Variants in WASF3 observed in about 807,000 individuals in gnomAD.
WASF3 encodes WASP family member 3.
A neutral mutation model predicts 46.6 loss-of-function variants in WASF3; 11 were observed. That is an observed-to-expected ratio of 0.24 (90% CI 0.15 to 0.39). WASF3 has a LOEUF of 0.39. Ranked by LOEUF, WASF3 falls within the 10% of genes least tolerant of loss-of-function variation. The pLI is 1.00. For synonymous variants in WASF3, 242 were observed against 259.7 expected (o/e 0.93, Z 0.65); for missense variants, 576 against 669.8 (o/e 0.86, Z 1.55).
At chr13:26,620,302 G>A (rs1881267496) in intron 2 of WASF3, among the ~76,000 whole-genome samples, 1 of 152,010 alleles carries the variant, frequency 6.6e-6, no homozygotes, top group African/African-American at 2.4e-5. Flanking sequence ...TAAAACAGAT[G>A]TAGGTTCAAA....
At chr13:26,616,244 A>G (rs1395957058) in intron 2 of WASF3, among the ~76,000 whole-genome samples, 1 of 152,224 alleles carries the variant, frequency 6.6e-6, no homozygotes, top group African/African-American at 2.4e-5. Context: ...TGATAGTTCC[A>G]GTTCATCCAT....
At chr13:26,624,753 T>C (rs1315620413) in intron 2 of WASF3, among the ~76,000 whole-genome samples, 2 of 151,814 alleles carry the variant, frequency 1.3e-5, no homozygotes, top group African/African-American at 4.8e-5. Context: ...AAATGAAACA[T>C]TACAAACAGA....
At chr13:26,595,624 C>A (rs556860138) in intron 1 of WASF3, among the ~76,000 whole-genome samples, 15 of 152,278 alleles carry the variant, frequency 9.9e-5, no homozygotes, top group African/African-American at 3.6e-4. Context: ...GTCCCATCAC[C>A]ACAAAATCTC....
intron 7 of WASF3, among the ~76,000 whole-genome samples, chr13:26,677,621 A>T (rs1331016553): frequency 6.6e-6 from 1 of 152,198 alleles, no homozygotes; most frequent in Non-Finnish European, 1.5e-5. Flanking sequence ...CAGAAGGTCT[A>T]TAAGTCATTG....
At chr13:26,681,571 A>G (rs916258427) in intron 8 of WASF3, among the ~76,000 whole-genome samples, 3 of 152,184 alleles carry the variant, frequency 2.0e-5, no homozygotes, top group African/African-American at 7.2e-5. Context: ...TGGGTGTTTG[A>G]ATGGCTCTTT....
Position 26,682,849 on chromosome 13 carries a change from G to A in WASF3, c.1226G>A (p.Gly409Asp), listed in dbSNP as rs1441218720. The A allele has an allele frequency of 1.9e-6, 3 of 1,611,290 alleles. No individual in the cohort carries two copies. The highest frequency in any genetic ancestry group is 4.5e-5 in the East Asian group (2 of 44,846). Residue 409 changes from glycine to aspartate, a missense_variant, in exon 9 of 10, where the codon GGT (glycine) becomes GAT (aspartate). By Grantham distance (94) the Gly-to-Asp change is moderately conservative. Transcript: ENST00000335327. The surrounding 1 kb of genome is among the most constrained non-coding windows in gnomAD (Gnocchi z 4.4). ...GPPPPPPGPP[G>D]PGSSLSSSPM... ...CCACCTCCCCCGCCAGGCCCTCCTG[G>A]TCCCGGGTCTTCTCTTTCGTCCTCC...
chr13:26,547,109 T>C, the WASF3 span, among the ~76,000 whole-genome samples: 7 of 152,140 alleles, frequency 4.6e-5, no homozygotes, highest in Admixed American at 2.6e-4. Context: ...TTTTTTTTTT[T>C]CCCCTGAGTT....
At chr13:26,619,498 A>T (rs749627484) in intron 2 of WASF3, 2 of 152,238 alleles carry the variant, frequency 1.3e-5, no homozygotes, top group Non-Finnish European at 2.9e-5. Context: ...ATGCGGATGG[A>T]TCACATCCTT....
chr13:26,663,093 G>C (rs931774625), intron 3 of WASF3, among the ~76,000 whole-genome samples: 3 of 152,198 alleles, frequency 2.0e-5, no homozygotes, highest in Non-Finnish European at 4.4e-5. Context: ...GGTGGGTGTA[G>C]AAGGGACAAG....
At position 26,643,454 on chromosome 13, in the gene WASF3, A is replaced by G. The variant is rs58312570; in HGVS notation, c.133+1051A>G. 6.8e-3 allele frequency among the ~76,000 whole-genome samples: 1,030 copies of G among 152,336 alleles called. 15 individuals are homozygous for G. The highest frequency in any genetic ancestry group is 0.023 in the African/African-American group (943 of 41,572). On this transcript the variant is annotated intron_variant, in intron 3 of 9. Transcript: ENST00000335327. Reference sequence around the variant, plus strand: ...TACGGATATATTTTTAATAATATCTATAATCATTAGCTAAGGCAAAAGTAT... The same window carrying G: ...TACGGATATATTTTTAATAATATCTGTAATCATTAGCTAAGGCAAAAGTAT...
At chr13:26,558,864 G>A (rs900105269) in intron 1 of WASF3, among the ~76,000 whole-genome samples, 5 of 152,118 alleles carry the variant, frequency 3.3e-5, no homozygotes, top group African/African-American at 2.4e-5. Flanking sequence ...TTTTTATAAG[G>A]GGGAGAGGAT....
At chr13:26,557,397 A>C (rs1593362672), upstream of WASF3, among the ~76,000 whole-genome samples, 1 of 152,198 alleles carries the variant, frequency 6.6e-6, no homozygotes, top group Admixed American at 6.5e-5. Flanking sequence ...AGGTGATACA[A>C]GGGTCTCTTG....
chr13:26,554,196 A>G (rs1879047031), upstream of WASF3, among the ~76,000 whole-genome samples: 1 of 150,748 alleles, frequency 6.6e-6, no homozygotes, highest in African/African-American at 2.4e-5. Flanking sequence ...GTGTGAGCAC[A>G]GCTCACTGCA....
At chr13:26,557,673 G>T, upstream of WASF3, 1 of 161,362 alleles carries the variant, frequency 6.2e-6, no homozygotes, top group South Asian at 2.0e-4. Context: ...GAGGGGGCGT[G>T]GCCGCGGCCG....
intron 8 of WASF3, among the ~76,000 whole-genome samples, chr13:26,681,601 G>A (rs951847958): frequency 2.5e-4 from 38 of 152,106 alleles, no homozygotes; most frequent in Non-Finnish European, 7.3e-5. Context: ...CATTGATAAA[G>A]GGTATTAAGT....
At chr13:26,664,552 A>T (rs1361421704) in intron 3 of WASF3, among the ~76,000 whole-genome samples, 1 of 152,260 alleles carries the variant, frequency 6.6e-6, no homozygotes, top group African/African-American at 2.4e-5. Flanking sequence ...ATTTCACAAT[A>T]TTAATTAGAA....
chr13:26,682,970 A>G lies in WASF3; in HGVS notation c.1347A>G (p.Arg449=), dbSNP rs750482404. 1.2e-6 allele frequency: 2 copies of G among 1,602,106 alleles called. No homozygotes were observed. The highest frequency in any genetic ancestry group is 2.2e-5 in the East Asian group (1 of 44,882). ...DARSDLLAAI[R]MGIQLKKVQE... ...GAAGCGACCTCCTCGCTGCTATTCGAATGGGTAAGTGGAGCCCCCAGACAC... is the reference window on the plus strand; with the variant it reads ...GAAGCGACCTCCTCGCTGCTATTCGGATGGGTAAGTGGAGCCCCCAGACAC... Residue 449 remains arginine, a synonymous_variant, in exon 9 of 10, where the codon CGA becomes CGG. Coordinates refer to ENST00000335327, the MANE Select transcript of WASF3 (RefSeq NM_006646.6). The surrounding 1 kb of genome is among the most constrained non-coding windows in gnomAD (Gnocchi z 4.4).
the WASF3 span, among the ~76,000 whole-genome samples, chr13:26,548,839 C>T: frequency 6.6e-6 from 1 of 152,096 alleles, no homozygotes; most frequent in Non-Finnish European, 1.5e-5. Flanking sequence ...TGACAACTAC[C>T]CTTTGAGGTT....
At chr13:26,590,533 A>G (rs539301214) in intron 1 of WASF3, among the ~76,000 whole-genome samples, 2 of 152,146 alleles carry the variant, frequency 1.3e-5, no homozygotes, top group South Asian at 2.1e-4. Flanking sequence ...ATCTACTCAC[A>G]AAAGTAATCT....
Sources: allele counts gnomAD v4.1 joint callset (sites outside exome capture counted in the v4.1 genomes callset), GRCh38; gene constraint gnomAD v4.1.1; non-coding constraint Gnocchi (gnomAD v3.1); transcripts MANE v1.5; gene names NCBI Gene and HGNC (gene_info 2026-07-23, HGNC 2026-07-21).